The following TAFA5 variants were observed in gnomAD, a reference collection of about 807,000 sequenced individuals.
TAFA5 encodes the protein TAFA chemokine like family member 5.
In TAFA5, 6 loss-of-function variants were observed where a neutral mutation model predicts 15.3. The ratio of observed to expected loss-of-function variants is 0.39; its 90% CI spans 0.21 to 0.77. The LOEUF is 0.77. TAFA5 is among the 30% of genes least tolerant of loss of function. TAFA5 has a pLI of 0.41. For synonymous variants in TAFA5, 103 were observed against 80.7 expected (o/e 1.28, Z -1.48); for missense variants, 161 against 193.1 (o/e 0.83, Z 0.98).
At position 48,742,077 on chromosome 22, in the gene TAFA5, G is replaced by A. The variant is rs1930196089; in HGVS notation, c.391-7762G>A. Reference sequence around the variant, plus strand: ...ACTGGGGCTCCCAGAGGCTCCAGCTGGGAGGCTGTGGGAGGTCGGGGCACC... The same window carrying A: ...ACTGGGGCTCCCAGAGGCTCCAGCTAGGAGGCTGTGGGAGGTCGGGGCACC... On this transcript the variant is annotated intron_variant, in intron 3 of 3. Transcript: ENST00000402357. This position sits in a 1 kb window ranked among gnomAD's most constrained non-coding sequence, Gnocchi z 6.2. Among the ~76,000 whole-genome samples, 1 of 152,200 alleles carries A rather than the reference G, an allele frequency of 6.6e-6. No homozygotes were observed. Among genetic ancestry groups the A allele is most frequent in the Non-Finnish European group, 1.5e-5 (1 of 68,028 alleles).
At chr22:48,662,867 A>G (rs12485120) in intron 2 of TAFA5, among the ~76,000 whole-genome samples, 5,963 of 152,260 alleles carry the variant, frequency 0.039, 201 homozygotes, top group East Asian at 0.14. Context: ...GCCTCCCCCA[A>G]TCCTTGCCCT....
chr22:48,577,162 C>G (rs1923842869), intron 1 of TAFA5, among the ~76,000 whole-genome samples: 1 of 152,256 alleles, frequency 6.6e-6, no homozygotes, highest in Admixed American at 6.5e-5. Flanking sequence ...CTCTCTTGGT[C>G]TTTGCTGGAC....
At position 48,693,444 on chromosome 22, in the gene TAFA5, A is replaced by G. The variant is rs111398622; in HGVS notation, c.263-14273A>G. The G allele has an allele frequency of 6.7e-5, 107 of 1,603,286 alleles. 1 individual carries two copies. The African/African-American group carries it at 1.2e-3, about 17-fold the overall frequency. Reference sequence around the variant, plus strand: ...TGCAGGCAGTAAAGGAGGGACTGCGACTCTTGCAGATGGCTGTGACTCAAC... The same window carrying G: ...TGCAGGCAGTAAAGGAGGGACTGCGGCTCTTGCAGATGGCTGTGACTCAAC... On this transcript the variant is annotated intron_variant, in intron 2 of 3. Coordinates refer to ENST00000402357, the MANE Select transcript of TAFA5 (RefSeq NM_001082967.3).
chr22:48,625,774 C>T (rs1234003697), intron 1 of TAFA5, among the ~76,000 whole-genome samples: 3 of 152,192 alleles, frequency 2.0e-5, no homozygotes, highest in Non-Finnish European at 2.9e-5. Context: ...AAATGCATGA[C>T]GCTGTGTGTT....
chr22:48,633,156 A>G (rs145357219), intron 1 of TAFA5, among the ~76,000 whole-genome samples: 168 of 152,228 alleles, frequency 1.1e-3, no homozygotes, highest in African/African-American at 3.8e-3. Flanking sequence ...GGCAGCAAGG[A>G]GGAGGCTGGG....
At chr22:48,595,785 A>T (rs992358799) in intron 1 of TAFA5, among the ~76,000 whole-genome samples, 1 of 152,258 alleles carries the variant, frequency 6.6e-6, no homozygotes, top group Non-Finnish European at 1.5e-5. Flanking sequence ...ATCCTTTAAG[A>T]ACTGAGATTG....
chr22:48,586,561 G>A (rs776626797), intron 1 of TAFA5, among the ~76,000 whole-genome samples: 47 of 152,232 alleles, frequency 3.1e-4, no homozygotes, highest in Non-Finnish European at 5.9e-4. Flanking sequence ...CCAAGTGCTG[G>A]GCGTGTCTGT....
At chr22:48,541,270 C>G (rs1257508660) in intron 1 of TAFA5, among the ~76,000 whole-genome samples, 2 of 152,006 alleles carry the variant, frequency 1.3e-5, no homozygotes, top group African/African-American at 2.4e-5. Flanking sequence ...CCCTATACCC[C>G]CTGGGACCTT....
intron 2 of TAFA5, among the ~76,000 whole-genome samples, chr22:48,704,935 G>A (rs1405406870): frequency 6.6e-6 from 1 of 152,076 alleles, no homozygotes; most frequent in Non-Finnish European, 1.5e-5. Context: ...GCATCTGCTT[G>A]CTGTGTCCTG....
rs1174992021 is a variant in TAFA5, at chr22:48,705,372, C to T, written c.263-2345C>T. Reference sequence around the variant, plus strand: ...CAGTCATGCAGGCTTCAGGCAGCTCCTCCCCCCTTGTCGGAACTGAGGACG... The same window carrying T: ...CAGTCATGCAGGCTTCAGGCAGCTCTTCCCCCCTTGTCGGAACTGAGGACG... On this transcript the variant is annotated intron_variant, in intron 2 of 3. Transcript: ENST00000402357. Among the ~76,000 whole-genome samples the T allele has an allele frequency of 3.3e-5, 5 of 152,212 alleles. 1 individual carries two copies. The highest frequency in any genetic ancestry group is 7.3e-5 in the Non-Finnish European group (5 of 68,028).
chr22:48,492,602 T>C (rs1601831316), intron 1 of TAFA5, among the ~76,000 whole-genome samples: 1 of 152,288 alleles, frequency 6.6e-6, no homozygotes, highest in Middle Eastern at 3.4e-3. Flanking sequence ...ATTAGGCTAG[T>C]TGCTATAGTG....
At chr22:48,579,030 A>C (rs554223005) in intron 1 of TAFA5, among the ~76,000 whole-genome samples, 4 of 152,200 alleles carry the variant, frequency 2.6e-5, no homozygotes, top group Admixed American at 2.6e-4. Context: ...ATTTTCATGA[A>C]TCTGTTTTCT....
At position 48,751,294 on chromosome 22, in the gene TAFA5, T is replaced by C. The variant is rs1183002602; in HGVS notation, c.*1447T>C. On this transcript the variant is annotated 3_prime_UTR_variant, in exon 4 of 4. Coordinates refer to ENST00000402357, the MANE Select transcript of TAFA5 (RefSeq NM_001082967.3). The stretch of plus-strand genomic sequence containing the variant: ...CGTTCTGAGAAGTCCTCTGTCTTCG[T>C]GTCACTAGGTCCAGAAAGTCGCGCC... The C allele has an allele frequency of 6.6e-6, 1 of 152,454 alleles. No homozygotes were observed. Among genetic ancestry groups the C allele is most frequent in the Non-Finnish European group, 1.5e-5 (1 of 68,038 alleles). The allele number at this position is 152,454 out of a possible 1,614,324, so 9.4% of individuals were successfully genotyped here.
At chr22:48,500,367 T>G (rs1293239640) in intron 1 of TAFA5, among the ~76,000 whole-genome samples, 2 of 152,216 alleles carry the variant, frequency 1.3e-5, no homozygotes, top group Non-Finnish European at 2.9e-5. Context: ...TGCTTGTAAT[T>G]CACACAATGA....
chr22:48,585,338 C>T (rs1326155713), intron 1 of TAFA5, among the ~76,000 whole-genome samples: 1 of 149,952 alleles, frequency 6.7e-6, no homozygotes, highest in African/African-American at 2.5e-5. Flanking sequence ...CACACACACA[C>T]ATAAAATACA....
chr22:48,711,249 C>T (rs904909797), intron 3 of TAFA5, among the ~76,000 whole-genome samples: 2 of 152,080 alleles, frequency 1.3e-5, no homozygotes, highest in African/African-American at 2.4e-5. Context: ...GTGGAGGGGA[C>T]GGCTCTGCTT....
chr22:48,695,208 C>T (rs562424259), intron 2 of TAFA5, among the ~76,000 whole-genome samples: 12 of 152,188 alleles, frequency 7.9e-5, no homozygotes, highest in East Asian at 3.9e-4. Flanking sequence ...TCTGTATTAA[C>T]GTTGCCCACT....
chr22:48,507,771 C>T (rs573916130), intron 1 of TAFA5, among the ~76,000 whole-genome samples: 47 of 152,180 alleles, frequency 3.1e-4, no homozygotes, highest in African/African-American at 7.0e-4. Flanking sequence ...TGAGGGTGGC[C>T]GTGTGAGGAG....
intron 3 of TAFA5, among the ~76,000 whole-genome samples, chr22:48,726,344 G>T (rs1929713754): frequency 6.6e-6 from 1 of 152,394 alleles, no homozygotes; most frequent in South Asian, 2.1e-4. Context: ...CAGCAAATGA[G>T]ACCTGGAGGT....
Sources: allele counts gnomAD v4.1 joint callset (sites outside exome capture counted in the v4.1 genomes callset), GRCh38; gene constraint gnomAD v4.1.1; non-coding constraint Gnocchi (gnomAD v3.1); transcripts MANE v1.5; gene names NCBI Gene and HGNC (gene_info 2026-07-23, HGNC 2026-07-21).